Variants in PTPRQ observed in about 807,000 individuals in gnomAD.
PTPRQ encodes the protein phosphatidylinositol phosphatase PTPRQ.
PTPRQ carries 199 observed loss-of-function variants against 246.0 expected under a neutral mutation model. That is an observed-to-expected ratio of 0.81 (90% CI 0.72 to 0.91). The LOEUF is 0.91. Among genes scored for constraint, PTPRQ ranks in the 40% least tolerant of loss-of-function variants. The probability of loss-of-function intolerance (pLI) is 0.00; values close to 1 mark genes in which losing one functional copy is unlikely to be tolerated. For synonymous variants in PTPRQ, 869 were observed against 853.2 expected, an observed-to-expected ratio of 1.02 and a Z score of -0.32; for missense variants, 2,624 against 2,528.4, an observed-to-expected ratio of 1.04 and a Z score of -0.81.
intron 17 of PTPRQ, among the ~76,000 whole-genome samples, chr12:80,528,171 A>G (rs1038099314): frequency 2.6e-5 from 4 of 152,202 alleles, no homozygotes; most frequent in Admixed American, 6.5e-5. Context: ...TTAAACTTCT[A>G]GTAAGATATA....
In PTPRQ at chr12:80,678,640, C is replaced by T. The variant is rs1321336096; in HGVS notation, c.6777C>T (p.Leu2259=). 2.6e-6 allele frequency: 4 copies of T among 1,550,354 alleles called. No individual in the cohort carries two copies. Among genetic ancestry groups the T allele is most frequent in the Non-Finnish European group, 3.5e-6 (4 of 1,146,246 alleles). ...YIFLHQCILD[L]LSNKGSNQPI... ...TTTTACACCAGTGCATTCTGGATCT[C>T]TTATCAAATAAGGGAAGTAATCAGC... is the stretch of plus-strand genomic sequence containing the variant. The change falls in exon 44 of 45, where the codon CTC becomes CTT. Residue 2259 remains leucine, a synonymous_variant. Transcript: ENST00000644991.
At chr12:80,602,871 C>A (rs908588941) in intron 26 of PTPRQ, among the ~76,000 whole-genome samples, 2 of 151,730 alleles carry the variant, frequency 1.3e-5, no homozygotes, top group Non-Finnish European at 2.9e-5. Flanking sequence ...AAATTATCTG[C>A]AATTTAAAAA....
At chr12:80,469,674 A>G (rs1236831910) in intron 7 of PTPRQ, among the ~76,000 whole-genome samples, 2 of 152,214 alleles carry the variant, frequency 1.3e-5, no homozygotes, top group Non-Finnish European at 2.9e-5. Flanking sequence ...TTTATCTTTC[A>G]TCCCTAAGTA....
chr12:80,558,654 A>T (rs1896734159), intron 25 of PTPRQ, among the ~76,000 whole-genome samples: 2 of 152,110 alleles, frequency 1.3e-5, no homozygotes, highest in African/African-American at 4.8e-5. Flanking sequence ...TGAGGAGCAC[A>T]TTGCTGAGTC....
At chr12:80,650,192 A>G (rs1398453576) in intron 37 of PTPRQ, among the ~76,000 whole-genome samples, 2 of 152,066 alleles carry the variant, frequency 1.3e-5, no homozygotes, top group Non-Finnish European at 2.9e-5. Flanking sequence ...AAAAAAAGAT[A>G]AGTAATGTCC....
At position 80,622,844 on chromosome 12, in the gene PTPRQ, A is replaced by T. The variant is rs1899046646; in HGVS notation, c.5686+710A>T. Among the ~76,000 whole-genome samples, 2 of 151,928 alleles carry T rather than the reference A, an allele frequency of 1.3e-5. 1 individual carries two copies. The highest frequency in any genetic ancestry group is 4.1e-4 in the South Asian group (2 of 4,834). ...TTGTTGAAGTTTTGTGTAAAACAAC[A>T]TATATAAATATATTAATATTTTATA... On this transcript the variant is annotated intron_variant, in intron 33 of 44. Coordinates refer to ENST00000644991, the MANE Select transcript of PTPRQ (RefSeq NM_001145026.2).
chr12:80,595,868 A>G (rs1021397203), intron 26 of PTPRQ, among the ~76,000 whole-genome samples: 2 of 151,992 alleles, frequency 1.3e-5, no homozygotes, highest in African/African-American at 4.8e-5. Context: ...TTTCCTTTTC[A>G]TTAATTAACA....
chr12:80,591,310 A>T (rs546896249), intron 26 of PTPRQ, among the ~76,000 whole-genome samples: 47 of 151,942 alleles, frequency 3.1e-4, no homozygotes, highest in African/African-American at 1.1e-3. Context: ...AACAATTTTG[A>T]TAGAGATGAG....
At chr12:80,493,853 A>C (rs1894527373) in intron 10 of PTPRQ, among the ~76,000 whole-genome samples, 2 of 151,976 alleles carry the variant, frequency 1.3e-5, no homozygotes, top group African/African-American at 4.8e-5. Context: ...GAAAGTTACA[A>C]ATCTAGTGCA....
chr12:80,531,870 T>C (rs1895854247), intron 17 of PTPRQ, among the ~76,000 whole-genome samples: 1 of 152,176 alleles, frequency 6.6e-6, no homozygotes. Flanking sequence ...AGCTAGATGT[T>C]GAAACTATAT....
chr12:80,519,614 G>T (rs1895410021), intron 17 of PTPRQ, among the ~76,000 whole-genome samples: 1 of 152,140 alleles, frequency 6.6e-6, no homozygotes, highest in African/African-American at 2.4e-5. Flanking sequence ...TACAGGAGGA[G>T]CTATGAATAT....
chr12:80,613,044 G>T (rs368329730), intron 28 of PTPRQ, among the ~76,000 whole-genome samples: 2 of 150,332 alleles, frequency 1.3e-5, no homozygotes, highest in Admixed American at 6.7e-5. Flanking sequence ...TCTTGTTTAC[G>T]GTGGTGGTTA....
intron 25 of PTPRQ, among the ~76,000 whole-genome samples, chr12:80,578,219 C>A (rs796227800): frequency 8.7e-6 from 1 of 114,780 alleles, no homozygotes; most frequent in African/African-American, 3.3e-5. Flanking sequence ...ATCCCTCCCC[C>A]CTCCCCCCAC....
intron 9 of PTPRQ, among the ~76,000 whole-genome samples, chr12:80,492,169 C>G (rs924510067): frequency 3.3e-5 from 5 of 151,888 alleles, no homozygotes; most frequent in African/African-American, 1.2e-4. Context: ...CAGTAATCAT[C>G]AATAGGCTGC....
intron 17 of PTPRQ, among the ~76,000 whole-genome samples, chr12:80,510,921 G>A (rs7963189): frequency 0.32 from 48,929 of 151,906 alleles, 9,165 homozygotes; most frequent in African/African-American, 0.51. Flanking sequence ...TACCCTGATT[G>A]CCTGTTTATC....
At chr12:80,450,295 T>C (rs1030846353) in intron 3 of PTPRQ, among the ~76,000 whole-genome samples, 1 of 152,206 alleles carries the variant, frequency 6.6e-6, no homozygotes, top group Non-Finnish European at 1.5e-5. Flanking sequence ...GATGGGGTTT[T>C]CTAGATATAC....
At chr12:80,559,324 G>A (rs1896758595) in intron 25 of PTPRQ, among the ~76,000 whole-genome samples, 1 of 152,176 alleles carries the variant, frequency 6.6e-6, no homozygotes. Context: ...GATTACAGGC[G>A]TCAGCCATCG....
In PTPRQ at chr12:80,514,593, TATATA is replaced by T. The variant is rs1197267430; in HGVS notation, c.2678+4156_2678+4160del. On this transcript the variant is annotated intron_variant, in intron 17 of 44. Coordinates refer to ENST00000644991, the MANE Select transcript of PTPRQ (RefSeq NM_001145026.2). The stretch of plus-strand genomic sequence containing the variant: ...ATACAAATATATATATTATATAATA[TATATA>T]ATATATTTGTATATATATTATACAA... Among the ~76,000 whole-genome samples the T allele has an allele frequency of 7.2e-4, 96 of 133,532 alleles. 1 individual carries two copies. Among genetic ancestry groups the T allele is most frequent in the African/African-American group, 2.2e-3 (79 of 36,352 alleles). The allele number at this position is 133,532 out of a possible 152,430, so 87.6% of individuals were successfully genotyped here.
At chr12:80,523,381 C>T (rs1895572823) in intron 17 of PTPRQ, among the ~76,000 whole-genome samples, 1 of 152,032 alleles carries the variant, frequency 6.6e-6, no homozygotes, top group Non-Finnish European at 1.5e-5. Context: ...CTGCTCTGAT[C>T]TTAGTTATTT....
Sources: gnomAD v4.1 joint callset for allele counts (sites outside exome capture counted in the v4.1 genomes callset) on GRCh38, gnomAD v4.1.1 for gene constraint, MANE v1.5 for transcripts, NCBI Gene and HGNC (gene_info 2026-07-23, HGNC 2026-07-21) for gene names.